The following DGKB variants were observed in gnomAD, a reference collection of about 807,000 sequenced individuals.
DGKB encodes the protein 90 kDa diacylglycerol kinase.
Under a neutral mutation model 114.3 loss-of-function variants are expected in DGKB, and 67 were observed. The observed-to-expected ratio is 0.59, with a 90% CI of 0.48 to 0.72. The LOEUF is 0.72. DGKB is among the 30% of genes least tolerant of loss of function. The probability of loss-of-function intolerance (pLI) is 0.00; values close to 1 mark genes in which losing one functional copy is unlikely to be tolerated. For missense variants in DGKB, 907 were observed against 975.2 expected (o/e 0.93, Z 0.93); for synonymous variants, 398 against 323.1 (o/e 1.23, Z -2.49).
At chr7:14,882,818 ATTTTCT>A (rs1376564991) in intron 1 of DGKB, among the ~76,000 whole-genome samples, 1 of 151,850 alleles carries the variant, frequency 6.6e-6, no homozygotes, top group Non-Finnish European at 1.5e-5. Flanking sequence ...TATATGCCAC[ATTTTCT>A]TTATCTTATC....
intron 20 of DGKB, among the ~76,000 whole-genome samples, chr7:14,517,551 T>C (rs932993288): frequency 2.0e-5 from 3 of 151,898 alleles, no homozygotes; most frequent in African/African-American, 7.3e-5. Flanking sequence ...AAAGCTTTTG[T>C]AAACTATGCA....
rs1428754553 is a variant in DGKB, at chr7:14,661,436, C to CA, written c.1134+11492dup. On this transcript the variant is annotated intron_variant, in intron 13 of 25. Transcript: ENST00000402815. ...TCTCAAAAGAAGACATTTATGCAGC[C>CA]AAAAAACACATGAAAAAATGCTCAC... Among the ~76,000 whole-genome samples the CA allele has an allele frequency of 1.2e-4, 16 of 135,880 alleles. No homozygotes were observed. In the East Asian group the frequency reaches 3.2e-3, roughly 28 times the overall value. 89.1% of individuals were successfully genotyped at this position (135,880 alleles called of 152,430 possible).
At chr7:14,939,186 C>G (rs1450494878) in intron 1 of DGKB, among the ~76,000 whole-genome samples, 1 of 151,792 alleles carries the variant, frequency 6.6e-6, no homozygotes. Context: ...TAGTATGTAC[C>G]CAATAAATAT....
intron 21 of DGKB, among the ~76,000 whole-genome samples, chr7:14,391,779 C>A (rs893952191): frequency 2.6e-5 from 4 of 152,138 alleles, no homozygotes; most frequent in Non-Finnish European, 4.4e-5. Context: ...ACTTTTAATT[C>A]TTCAGTAGTG....
intron 1 of DGKB, among the ~76,000 whole-genome samples, chr7:14,932,432 G>C (rs1400429402): frequency 1.3e-5 from 2 of 152,062 alleles, no homozygotes; most frequent in Non-Finnish European, 2.9e-5. Context: ...AGCCATTTTG[G>C]AAAAAATAAA....
At chr7:14,757,586 A>G (rs879013650) in intron 3 of DGKB, 69 bp downstream of exon 3, 1 of 883,876 alleles carries the variant, frequency 1.1e-6, no homozygotes, top group East Asian at 2.4e-5. Context: ...TTTTCCAAGA[A>G]TTGTTTATTA....
intron 21 of DGKB, among the ~76,000 whole-genome samples, chr7:14,468,600 G>A (rs1360134498): frequency 6.7e-6 from 1 of 149,766 alleles, no homozygotes; most frequent in African/African-American, 2.5e-5. Context: ...ATTGTTGTCA[G>A]CTTATAAGGA....
chr7:14,294,237 A>G (rs554214279), intron 23 of DGKB, among the ~76,000 whole-genome samples: 17 of 152,298 alleles, frequency 1.1e-4, no homozygotes, highest in African/African-American at 4.1e-4. Flanking sequence ...CCACCCAGAT[A>G]TTCCAGGATA....
chr7:14,363,761 A>G (rs1036553086), intron 21 of DGKB, among the ~76,000 whole-genome samples: 2 of 152,108 alleles, frequency 1.3e-5, no homozygotes, highest in African/African-American at 4.8e-5. Context: ...AGCATTCAGG[A>G]AATAGAAGCA....
chr7:14,593,633 G>A (rs1316169521), intron 17 of DGKB, among the ~76,000 whole-genome samples: 1 of 151,610 alleles, frequency 6.6e-6, no homozygotes, highest in Non-Finnish European at 1.5e-5. Context: ...TATAACCCTT[G>A]AAGGATATTT....
chr7:14,970,699 CT>C (rs1421832181), intron 1 of DGKB, among the ~76,000 whole-genome samples: 1 of 152,120 alleles, frequency 6.6e-6, no homozygotes, highest in African/African-American at 2.4e-5. Flanking sequence ...GATTGCCTTT[CT>C]GTAATTCTCC....
At chr7:14,605,704 T>C (rs536573238) in intron 17 of DGKB, among the ~76,000 whole-genome samples, 5 of 152,016 alleles carry the variant, frequency 3.3e-5, no homozygotes, top group Admixed American at 2.0e-4. Flanking sequence ...AAAAGTGAGA[T>C]GAGAGAACAG....
At chr7:14,332,270 T>C (rs1295149085) in intron 23 of DGKB, among the ~76,000 whole-genome samples, 1 of 152,150 alleles carries the variant, frequency 6.6e-6, no homozygotes, top group Non-Finnish European at 1.5e-5. Context: ...GATAAGGAGA[T>C]TAAAGTACAA....
chr7:14,660,448 G>C (rs1283475875), intron 13 of DGKB, among the ~76,000 whole-genome samples: 6 of 152,008 alleles, frequency 3.9e-5, no homozygotes, highest in Non-Finnish European at 8.8e-5. Context: ...TTAGTCTTAG[G>C]AGACTGTATG....
At chr7:14,934,805 T>G (rs1785194607) in intron 1 of DGKB, among the ~76,000 whole-genome samples, 1 of 152,204 alleles carries the variant, frequency 6.6e-6, no homozygotes, top group Non-Finnish European at 1.5e-5. Context: ...CTAACTTGAT[T>G]TAAAACTCCA....
chr7:14,488,527 C>G, intron 20 of DGKB, among the ~76,000 whole-genome samples: 1 of 151,624 alleles, frequency 6.6e-6, no homozygotes, highest in Non-Finnish European at 1.5e-5. Context: ...TATTTTAAAT[C>G]TCTAGATTTA....
At chr7:14,683,677 T>C (rs1340079474) in intron 10 of DGKB, among the ~76,000 whole-genome samples, 1 of 151,980 alleles carries the variant, frequency 6.6e-6, no homozygotes, top group African/African-American at 2.4e-5. Flanking sequence ...AATAAACATA[T>C]AGCCTCCTCA....
chr7:14,337,160 T>C (rs1810829356), intron 23 of DGKB, among the ~76,000 whole-genome samples: 1 of 152,114 alleles, frequency 6.6e-6, no homozygotes, highest in South Asian at 2.1e-4. Context: ...CTACTAATTT[T>C]ACATTTAAAT....
chr7:14,647,770 C>A (rs980143178), intron 13 of DGKB, among the ~76,000 whole-genome samples: 22 of 152,154 alleles, frequency 1.4e-4, no homozygotes, highest in Non-Finnish European at 2.6e-4. Flanking sequence ...ACAGTGGGCG[C>A]AGGTCAGTGG....
Sources: gnomAD v4.1 joint callset for allele counts (sites outside exome capture counted in the v4.1 genomes callset) on GRCh38, gnomAD v4.1.1 for gene constraint, MANE v1.5 for transcripts, NCBI Gene and HGNC (gene_info 2026-07-23, HGNC 2026-07-21) for gene names.